The following NUP107 variants were observed in gnomAD, a reference collection of about 807,000 sequenced individuals.
The protein encoded by NUP107 is nuclear pore complex protein Nup107.
Under a neutral mutation model 141.0 loss-of-function variants are expected in NUP107, and 101 were observed. The observed-to-expected ratio is 0.72, with a 90% CI of 0.61 to 0.84. The LOEUF is 0.84. NUP107 is among the 40% of genes least tolerant of loss of function. The pLI is 0.00. For synonymous variants in NUP107, 319 were observed against 363.9 expected (o/e 0.88, Z 1.41); for missense variants, 941 against 1,102.7 (o/e 0.85, Z 2.08).
At chr12:68,710,603 C>T (rs1485609357) in intron 10 of NUP107, among the ~76,000 whole-genome samples, 16 of 141,418 alleles carry the variant, frequency 1.1e-4, no homozygotes, top group Non-Finnish European at 2.0e-4. Context: ...TGCAGTGAGC[C>T]GAGTTCATGC....
At position 68,742,431 on chromosome 12, in the gene NUP107, T is replaced by G; in HGVS notation, c.2747T>G (p.Leu916Arg). The change falls in exon 28 of 28, where the codon CTT becomes CGT. Residue 916 changes from leucine (L) to arginine (R), a missense_variant. Leu to Arg is a moderately radical substitution (Grantham distance 102, BLOSUM62 -2). Coordinates refer to ENST00000229179, the MANE Select transcript of NUP107 (RefSeq NM_020401.4). Reference sequence around the variant, plus strand: ...TCTCTAATGCTCCTAGACCAGGGACTTGACCCATTAGGGTATGAAATTCAG... The same window carrying G: ...TCTCTAATGCTCCTAGACCAGGGACGTGACCCATTAGGGTATGAAATTCAG... ...ESSLMLLDQG[L>R]DPLGYEIQL The G allele has an allele frequency of 6.2e-7, 1 of 1,601,028 alleles. No individual in the cohort carries two copies. Among genetic ancestry groups the G allele is most frequent in the South Asian group, 1.1e-5 (1 of 89,452 alleles).
At chr12:68,710,744 A>G (rs1414142000) in intron 10 of NUP107, among the ~76,000 whole-genome samples, 1 of 152,130 alleles carries the variant, frequency 6.6e-6, no homozygotes, top group Non-Finnish European at 1.5e-5. Flanking sequence ...AAAATATAGT[A>G]TAATAGTTAT....
At chr12:68,699,010 AGGGAGGCTGGGATTGTGT>A (rs1405423219) in intron 6 of NUP107, among the ~76,000 whole-genome samples, 1 of 152,086 alleles carries the variant, frequency 6.6e-6, no homozygotes, top group Non-Finnish European at 1.5e-5. Context: ...ATTGATGGTG[AGGGAGGCTGGGATTGTGT>A]GGGGGAAGAG....
At chr12:68,741,705 A>T in intron 26 of NUP107, 108 bp from the exon 27 acceptor site, 2 of 946,636 alleles carry the variant, frequency 2.1e-6, no homozygotes, top group Admixed American at 5.0e-5. Context: ...TTTGCTGTTA[A>T]ATCTTGTCTA....
chr12:68,733,303 A>G, intron 23 of NUP107, 149 bp from the exon 24 acceptor site: 1 of 565,472 alleles, frequency 1.8e-6, no homozygotes, highest in Non-Finnish European at 2.9e-6. Flanking sequence ...TCTATCAGGT[A>G]GAAAGATCAC....
chr12:68,687,529 A>G (rs1875558381), intron 1 of NUP107: 2 of 994,200 alleles, frequency 2.0e-6, no homozygotes, highest in Non-Finnish European at 2.4e-6. Flanking sequence ...AAGATCAGTT[A>G]TTCAAGATCC....
In NUP107 at chr12:68,692,121, G is replaced by GC; in HGVS notation, c.448+10dup. 6.4e-7 allele frequency: 1 copy of GC among 1,567,954 alleles called. No homozygotes were observed. Among genetic ancestry groups the GC allele is most frequent in the Non-Finnish European group, 8.6e-7 (1 of 1,161,144 alleles). ...TGATCCTGGAGAAGCTGGTAAAATG[G>GC]CATTGAGCTTTGTGACAAGTAGCTT... is the stretch of plus-strand genomic sequence containing the variant. On this transcript the variant is annotated intron_variant, in intron 5 of 27. Coordinates refer to ENST00000229179, the MANE Select transcript of NUP107 (RefSeq NM_020401.4).
chr12:68,740,250 G>A (rs1878269135), intron 26 of NUP107: 1 of 152,196 alleles, frequency 6.6e-6, no homozygotes. Flanking sequence ...CAAATGGAAA[G>A]GTCCAGAAAG....
At chr12:68,705,535 A>T in intron 8 of NUP107, 1 of 263,362 alleles carries the variant, frequency 3.8e-6, no homozygotes, top group Non-Finnish European at 7.6e-6. Context: ...TATTCTTTAA[A>T]AAAAAAAAAA....
chr12:68,739,648 T>G, intron 26 of NUP107: 1 of 152,440 alleles, frequency 6.6e-6, no homozygotes, highest in African/African-American at 2.4e-5. Context: ...CCATCCTGGC[T>G]AACACAGTAA....
chr12:68,725,474 G>C (rs1260499470), intron 17 of NUP107, among the ~76,000 whole-genome samples: 1 of 152,138 alleles, frequency 6.6e-6, no homozygotes, highest in Non-Finnish European at 1.5e-5. Flanking sequence ...ACCATTGAGA[G>C]ATTAAATTGT....
intron 10 of NUP107, among the ~76,000 whole-genome samples, chr12:68,710,569 C>T (rs537833418): frequency 1.3e-5 from 2 of 149,684 alleles, no homozygotes; most frequent in African/African-American, 2.5e-5. Context: ...GCAGGAGAAT[C>T]GCTGAAATCC....
rs1433977798 is a variant in NUP107, at chr12:68,744,654, G to A, written c.*2192G>A. The A allele has an allele frequency of 6.6e-6, 1 of 152,358 alleles. No individual in the cohort carries two copies. Among genetic ancestry groups the A allele is most frequent in the East Asian group, 1.9e-4 (1 of 5,202 alleles). 9.4% of individuals were successfully genotyped at this position (152,358 alleles called of 1,614,324 possible). A position where few individuals can be genotyped will look rare whatever the true frequency, so the allele number is the denominator to read the frequency against. On this transcript the variant is annotated 3_prime_UTR_variant, in exon 28 of 28. Coordinates refer to ENST00000229179, the MANE Select transcript of NUP107 (RefSeq NM_020401.4). The stretch of plus-strand genomic sequence containing the variant: ...TCGCCTCGATCTCTCAAAGTGCTGG[G>A]ATTACAGGCATAAGCCACTGCACCC...
chr12:68,719,747 A>T, intron 14 of NUP107, 93 bp downstream of exon 14: 1 of 899,632 alleles, frequency 1.1e-6, no homozygotes, highest in Non-Finnish European at 1.8e-6. Context: ...GTAGTGTAAA[A>T]CTGGTTTTCA....
chr12:68,730,214 C>CCTTTTTTTTT, intron 20 of NUP107, among the ~76,000 whole-genome samples: 1 of 85,382 alleles, frequency 1.2e-5, no homozygotes, highest in East Asian at 3.5e-4. Context: ...GTGATACTAC[C>CCTTTTTTTTT]TTTTTTTTTT....
intron 1 of NUP107, chr12:68,687,809 G>A (rs1191508041): frequency 4.1e-6 from 1 of 243,858 alleles, no homozygotes; most frequent in Non-Finnish European, 6.6e-6. Context: ...TATGAGATGG[G>A]TACTGTTATC....
rs1877387031 is a variant in NUP107, at chr12:68,722,270, A to G, written c.1506+118A>G. ...CTCCCTTTTTCTCACCTATTAAAATAAGAATCATTCTTTGAAACGAAGAAA... is the reference window on the plus strand; with the variant it reads ...CTCCCTTTTTCTCACCTATTAAAATGAGAATCATTCTTTGAAACGAAGAAA... On this transcript the variant is annotated intron_variant, in intron 17 of 27. Coordinates refer to ENST00000229179, the MANE Select transcript of NUP107 (RefSeq NM_020401.4). 1.3e-5 allele frequency: 10 copies of G among 765,784 alleles called. No individual in the cohort carries two copies. The South Asian group carries it at 2.1e-4, about 16-fold the overall frequency. The allele number at this position is 765,784 out of a possible 1,614,324, so 47.4% of individuals were successfully genotyped here.
In NUP107 at chr12:68,727,536, T is replaced by C. The variant is rs1345305935; in HGVS notation, c.1734+147T>C. 1.6e-5 allele frequency: 8 copies of C among 512,164 alleles called. No homozygotes were observed. In the East Asian group the frequency reaches 2.4e-4, roughly 15 times the overall value. The allele number at this position is 512,164 out of a possible 1,614,324, so 31.7% of individuals were successfully genotyped here. On this transcript the variant is annotated intron_variant, in intron 20 of 27. Transcript: ENST00000229179. ...ATTATCAGCACAGTTGACCTTTGAATAATGCAGGGATTAGGAAAACAACCC... is the reference window on the plus strand; with the variant it reads ...ATTATCAGCACAGTTGACCTTTGAACAATGCAGGGATTAGGAAAACAACCC...
intron 7 of NUP107, among the ~76,000 whole-genome samples, chr12:68,701,734 T>G (rs1876340287): frequency 6.6e-6 from 1 of 152,208 alleles, no homozygotes; most frequent in Non-Finnish European, 1.5e-5. Flanking sequence ...GTATATTCAT[T>G]GACATGGAAA....
Sources: gnomAD v4.1 joint callset for allele counts (sites outside exome capture counted in the v4.1 genomes callset) on GRCh38, gnomAD v4.1.1 for gene constraint, MANE v1.5 for transcripts, NCBI Gene and HGNC (gene_info 2026-07-23, HGNC 2026-07-21) for gene names.